Variants in HPSE2 observed in about 807,000 individuals in gnomAD.
HPSE2 encodes heparanase 2 (inactive).
HPSE2 carries 38 observed loss-of-function variants against 60.5 expected under a neutral mutation model. That is an observed-to-expected ratio of 0.63 (90% CI 0.48 to 0.82). The LOEUF (loss-of-function observed/expected upper bound fraction) is 0.82. HPSE2 is among the 40% of genes least tolerant of loss of function. The pLI, the probability that HPSE2 is intolerant of heterozygous loss-of-function variation, is 0.00. For synonymous variants in HPSE2, 295 were observed against 293.2 expected (o/e 1.01, Z -0.06); for missense variants, 713 against 740.4 (o/e 0.96, Z 0.43).
At chr10:99,230,870 T>C (rs1288992750) in intron 2 of HPSE2, among the ~76,000 whole-genome samples, 4 of 152,160 alleles carry the variant, frequency 2.6e-5, no homozygotes, top group African/African-American at 7.2e-5. Context: ...TCCCTTCTTA[T>C]GTCTGATCAC....
At chr10:98,879,396 A>G (rs1165671804) in intron 3 of HPSE2, among the ~76,000 whole-genome samples, 1 of 152,060 alleles carries the variant, frequency 6.6e-6, no homozygotes, top group East Asian at 1.9e-4. Flanking sequence ...CTTCTAGAAT[A>G]AGCCTCTATA....
intron 3 of HPSE2, among the ~76,000 whole-genome samples, chr10:98,750,141 T>C (rs1371317908): frequency 6.6e-6 from 1 of 151,436 alleles, no homozygotes; most frequent in Non-Finnish European, 1.5e-5. Flanking sequence ...AGAGACCCAA[T>C]GGAAAGAAGG....
intron 3 of HPSE2, among the ~76,000 whole-genome samples, chr10:98,906,902 CAA>C (rs35318674): frequency 0.027 from 3,029 of 110,724 alleles, 104 homozygotes; most frequent in East Asian, 0.2. Context: ...AACTCTGTCT[CAA>C]AAAAAAAAAA....
intron 3 of HPSE2, among the ~76,000 whole-genome samples, chr10:98,755,107 C>T (rs1399855387): frequency 6.6e-6 from 1 of 152,052 alleles, no homozygotes; most frequent in East Asian, 1.9e-4. Flanking sequence ...CAAGACCCAA[C>T]TATATGCTGT....
intron 3 of HPSE2, among the ~76,000 whole-genome samples, chr10:99,096,674 GGAAATTGAGCTAAATTGTTGTGT>G (rs1843727814): frequency 6.7e-6 from 1 of 149,712 alleles, no homozygotes; most frequent in Non-Finnish European, 1.5e-5. Context: ...TCTAACTTGT[GGAAATTGAGCTAAATTGTTGTGT>G]TTTTTTTTTT....
At chr10:98,626,301 CTTG>C (rs1186811357) in intron 7 of HPSE2, among the ~76,000 whole-genome samples, 2 of 152,122 alleles carry the variant, frequency 1.3e-5, no homozygotes, top group Non-Finnish European at 2.9e-5. Flanking sequence ...ATATGACAGA[CTTG>C]TTGTGTGCTT....
intron 3 of HPSE2, among the ~76,000 whole-genome samples, chr10:98,872,412 C>A (rs1736787168): frequency 6.6e-6 from 1 of 152,040 alleles, no homozygotes; most frequent in Non-Finnish European, 1.5e-5. Flanking sequence ...GAAATTTAGT[C>A]AATTTTCTGT....
chr10:99,051,379 C>CA (rs1035443737), intron 3 of HPSE2, among the ~76,000 whole-genome samples: 10 of 151,708 alleles, frequency 6.6e-5, no homozygotes, highest in East Asian at 3.9e-4. Context: ...AGCACATAAA[C>CA]AAAAAAAAGA....
intron 3 of HPSE2, among the ~76,000 whole-genome samples, chr10:98,882,709 A>G (rs376400839): frequency 7.9e-5 from 12 of 152,256 alleles, no homozygotes; most frequent in African/African-American, 2.6e-4. Context: ...TGGCAGGCCC[A>G]GCATAGTGGC....
chr10:99,281,611 C>T, the HPSE2 span, among the ~76,000 whole-genome samples: 1 of 152,018 alleles, frequency 6.6e-6, no homozygotes, highest in Non-Finnish European at 1.5e-5. Context: ...TGGGAAGTTT[C>T]TTTGTTAAGT....
At chr10:99,209,776 G>A (rs932038626) in intron 2 of HPSE2, among the ~76,000 whole-genome samples, 4 of 152,158 alleles carry the variant, frequency 2.6e-5, no homozygotes, top group Non-Finnish European at 5.9e-5. Context: ...TGCAACCTCC[G>A]CCTCCCGGGT....
chr10:98,997,736 T>A (rs1049161354), intron 3 of HPSE2, among the ~76,000 whole-genome samples: 1 of 152,194 alleles, frequency 6.6e-6, no homozygotes, highest in African/African-American at 2.4e-5. Context: ...TCATGCGCAC[T>A]AAAGTGCAGC....
At chr10:99,195,639 A>G (rs1369747303) in intron 2 of HPSE2, among the ~76,000 whole-genome samples, 1 of 152,100 alleles carries the variant, frequency 6.6e-6, no homozygotes, top group Non-Finnish European at 1.5e-5. Flanking sequence ...ACACCCAGAA[A>G]TAAGCTTAGC....
chr10:98,543,424 C>T (rs1391597250), intron 9 of HPSE2, among the ~76,000 whole-genome samples: 5 of 151,728 alleles, frequency 3.3e-5, no homozygotes, highest in African/African-American at 7.3e-5. Context: ...CATCAACTAA[C>T]GAGCAAAATA....
At chr10:98,913,838 A>C (rs1365307721) in intron 3 of HPSE2, among the ~76,000 whole-genome samples, 1 of 152,226 alleles carries the variant, frequency 6.6e-6, no homozygotes, top group Non-Finnish European at 1.5e-5. Flanking sequence ...AAGAACTTAA[A>C]AGGAAGGGGA....
At chr10:98,702,234 A>C (rs1159063701) in intron 5 of HPSE2, among the ~76,000 whole-genome samples, 1 of 152,224 alleles carries the variant, frequency 6.6e-6, no homozygotes, top group Non-Finnish European at 1.5e-5. Context: ...ATAATGTTAA[A>C]GGAATCGATT....
At chr10:99,111,122 A>G (rs1047997728) in intron 3 of HPSE2, among the ~76,000 whole-genome samples, 1 of 152,056 alleles carries the variant, frequency 6.6e-6, no homozygotes, top group Non-Finnish European at 1.5e-5. Flanking sequence ...TCAGTTTACT[A>G]TATATATGGG....
chr10:99,196,248 A>C (rs1171669534), intron 2 of HPSE2, among the ~76,000 whole-genome samples: 2 of 152,188 alleles, frequency 1.3e-5, no homozygotes, highest in African/African-American at 4.8e-5. Context: ...TCAAACTATG[A>C]AACTACTAAA....
intron 6 of HPSE2, among the ~76,000 whole-genome samples, chr10:98,657,364 C>T (rs749595681): frequency 1.3e-5 from 2 of 151,914 alleles, no homozygotes; most frequent in Non-Finnish European, 2.9e-5. Context: ...TTTGTTACCA[C>T]TCTGTTACCC....
Sources: gnomAD v4.1 joint callset for allele counts (sites outside exome capture counted in the v4.1 genomes callset) on GRCh38, gnomAD v4.1.1 for gene constraint, MANE v1.5 for transcripts, NCBI Gene and HGNC (gene_info 2026-07-23, HGNC 2026-07-21) for gene names.